The following LPP variants were observed in gnomAD, a reference collection of about 807,000 sequenced individuals.
The protein encoded by LPP is LIM domain containing preferred translocation partner in lipoma.
In LPP, 38 loss-of-function variants were observed where a neutral mutation model predicts 60.4. That is an observed-to-expected ratio of 0.63 (90% CI 0.49 to 0.83). The LOEUF (loss-of-function observed/expected upper bound fraction) is 0.83. Among genes scored for constraint, LPP ranks in the 40% least tolerant of loss-of-function variants. LPP has a pLI of 0.00. For missense variants in LPP, 902 were observed against 783.6 expected, an observed-to-expected ratio of 1.15 and a Z score of -1.80; for synonymous variants, 328 against 290.8, an observed-to-expected ratio of 1.13 and a Z score of -1.30.
intron 1 of LPP, among the ~76,000 whole-genome samples, chr3:188,156,851 A>G (rs113663845): frequency 2.9e-5 from 4 of 136,634 alleles, no homozygotes; most frequent in African/African-American, 1.2e-4. Flanking sequence ...GCTGCGCCCC[A>G]CCCCCCCAAG....
intron 7 of LPP, among the ~76,000 whole-genome samples, chr3:188,656,851 A>C (rs1853331438): frequency 6.6e-6 from 1 of 152,168 alleles, no homozygotes; most frequent in East Asian, 1.9e-4. Context: ...GAAAGAGATG[A>C]GGAAACAGGA....
intron 6 of LPP, among the ~76,000 whole-genome samples, chr3:188,560,549 G>T (rs537493153): frequency 3.8e-4 from 58 of 152,242 alleles, no homozygotes; most frequent in African/African-American, 1.3e-3. Context: ...CCCATGCCAA[G>T]TCATATCCTT....
At chr3:188,712,900 A>G (rs1381230340) in intron 8 of LPP, 1 of 151,830 alleles carries the variant, frequency 6.6e-6, no homozygotes, top group Non-Finnish European at 1.5e-5. Context: ...TTTTTTCATA[A>G]GTAGAATGAT....
intron 8 of LPP, chr3:188,725,634 C>T (rs1718101654): frequency 6.6e-6 from 1 of 152,158 alleles, no homozygotes; most frequent in Non-Finnish European, 1.5e-5. Context: ...CTTTGTTTCT[C>T]CATTTATTCA....
intron 7 of LPP, among the ~76,000 whole-genome samples, chr3:188,647,728 G>A (rs540658661): frequency 9.1e-4 from 139 of 152,306 alleles, no homozygotes; most frequent in Non-Finnish European, 1.7e-3. Context: ...CCTCAAACAC[G>A]TTCTTTGAAG....
intron 2 of LPP, among the ~76,000 whole-genome samples, chr3:188,243,320 C>G (rs759506983): frequency 1.3e-5 from 2 of 152,114 alleles, no homozygotes; most frequent in African/African-American, 4.8e-5. Context: ...TTTTAGTTTC[C>G]CATGACTCAT....
In LPP at chr3:188,885,395, C is replaced by G. The variant is rs1438225194; in HGVS notation, c.*10916C>G. The stretch of plus-strand genomic sequence containing the variant: ...ATAGCAAATGACTTCTCACCCCTTC[C>G]TAGTCCTCATGCCTGAGGAATAAGG... On this transcript the variant is annotated 3_prime_UTR_variant, in exon 12 of 12. Coordinates refer to ENST00000617246, the MANE Select transcript of LPP (RefSeq NM_001375462.1). 1.0e-5 allele frequency: 2 copies of G among 193,414 alleles called. No individual in the cohort carries two copies. The highest frequency in any genetic ancestry group is 4.6e-5 in the African/African-American group (2 of 43,108). 12.0% of individuals were successfully genotyped at this position (193,414 alleles called of 1,614,324 possible). A position where few individuals can be genotyped will look rare whatever the true frequency, so the allele number is the denominator to read the frequency against.
At chr3:188,250,794 CTCTT>C (rs138929542) in intron 2 of LPP, among the ~76,000 whole-genome samples, 38 of 114,188 alleles carry the variant, frequency 3.3e-4, no homozygotes, top group Admixed American at 1.0e-3. Context: ...TTCTGTCTTT[CTCTT>C]TCTTTCTTTC....
At position 188,261,801 on chromosome 3, in the gene LPP, C is replaced by T. The variant is rs1281830900; in HGVS notation, c.-67+36274C>T. Among the ~76,000 whole-genome samples, 5 of 152,082 alleles carry T rather than the reference C, an allele frequency of 3.3e-5. No homozygotes were observed. The East Asian group carries it at 9.6e-4, about 29-fold the overall frequency. On this transcript the variant is annotated intron_variant, in intron 2 of 11. Transcript: ENST00000617246. ...TGGTGGCACATATCTGTAGTCCTAC[C>T]CACTCAGGAGGCTGAGGAGGTGGGA...
chr3:188,598,476 G>C (rs999538264), intron 6 of LPP, among the ~76,000 whole-genome samples: 1 of 152,060 alleles, frequency 6.6e-6, no homozygotes, highest in Non-Finnish European at 1.5e-5. Context: ...GTAACTAGTA[G>C]AGAGAATTAA....
chr3:188,315,103 A>T (rs1754656515), intron 2 of LPP, among the ~76,000 whole-genome samples: 1 of 152,080 alleles, frequency 6.6e-6, no homozygotes, highest in African/African-American at 2.4e-5. Flanking sequence ...TAATTGGACT[A>T]ATTAGCTTTT....
intron 6 of LPP, among the ~76,000 whole-genome samples, chr3:188,566,431 T>A (rs1168929568): frequency 2.0e-5 from 3 of 151,948 alleles, no homozygotes; most frequent in Non-Finnish European, 4.4e-5. Context: ...ATTAGTTAGC[T>A]CTCATTACCT....
chr3:188,876,131 A>G lies in LPP; in HGVS notation c.*1652A>G, dbSNP rs998616739. On this transcript the variant is annotated 3_prime_UTR_variant, in exon 12 of 12. Transcript: ENST00000617246. ...ATTGTGAAGTGATGTTCAGATTTCT[A>G]GTTTTTTTTCTAGTTTTTAATTTTA... 5.3e-6 allele frequency: 1 copy of G among 189,332 alleles called. No homozygotes were observed. The highest frequency in any genetic ancestry group is 6.2e-5 in the Admixed American group (1 of 16,194). 11.7% of individuals were successfully genotyped at this position (189,332 alleles called of 1,614,324 possible). A position where few individuals can be genotyped will look rare whatever the true frequency, so the allele number is the denominator to read the frequency against.
intron 9 of LPP, among the ~76,000 whole-genome samples, chr3:188,821,567 T>C (rs1753967851): frequency 6.6e-6 from 1 of 152,032 alleles, no homozygotes; most frequent in Admixed American, 6.6e-5. Flanking sequence ...TTTCTTTTGC[T>C]TTTTCCTTCT....
At chr3:188,355,611 T>C (rs760869427) in intron 3 of LPP, among the ~76,000 whole-genome samples, 79 of 152,116 alleles carry the variant, frequency 5.2e-4, no homozygotes, top group Non-Finnish European at 9.4e-4. Context: ...AAAAAATATA[T>C]ACAAGTAATA....
intron 4 of LPP, among the ~76,000 whole-genome samples, chr3:188,437,662 C>T (rs1459774154): frequency 6.6e-6 from 1 of 152,098 alleles, no homozygotes; most frequent in Non-Finnish European, 1.5e-5. Context: ...AAGAATTCCC[C>T]ACCATCATAT....
chr3:188,604,163 ACTTT>A (rs1388880889), intron 6 of LPP, among the ~76,000 whole-genome samples: 4 of 151,742 alleles, frequency 2.6e-5, no homozygotes, highest in Non-Finnish European at 4.4e-5. Flanking sequence ...AATGAGTGTG[ACTTT>A]CTTTGTCTCA....
At chr3:188,653,608 A>C (rs943975215) in intron 7 of LPP, among the ~76,000 whole-genome samples, 1 of 152,148 alleles carries the variant, frequency 6.6e-6, no homozygotes, top group African/African-American at 2.4e-5. Flanking sequence ...GTCTGCAAAA[A>C]TATTTTTTAC....
intron 1 of LPP, among the ~76,000 whole-genome samples, chr3:188,156,723 G>C (rs775255233): frequency 6.6e-6 from 1 of 152,012 alleles, no homozygotes; most frequent in African/African-American, 2.4e-5. Flanking sequence ...AGTAGTACCA[G>C]CTGCTTGGGA....
Sources: gnomAD v4.1 joint callset for allele counts (sites outside exome capture counted in the v4.1 genomes callset) on GRCh38, gnomAD v4.1.1 for gene constraint, MANE v1.5 for transcripts, NCBI Gene and HGNC (gene_info 2026-07-23, HGNC 2026-07-21) for gene names.